The following FGGY variants were observed in gnomAD, a reference collection of about 807,000 sequenced individuals.
FGGY encodes FGGY carbohydrate kinase domain containing.
In FGGY, 72 loss-of-function variants were observed where a neutral mutation model predicts 71.3. The ratio of observed to expected loss-of-function variants is 1.01; its 90% CI spans 0.84 to 1.23. The LOEUF is 1.23. Among genes scored for constraint, FGGY ranks in the 50% most tolerant of loss-of-function variants. The pLI, the probability that FGGY is intolerant of heterozygous loss-of-function variation, is 0.00. For missense variants in FGGY, 668 were observed against 682.3 expected (o/e 0.98, Z 0.23); for synonymous variants, 251 against 250.3 (o/e 1.00, Z -0.02).
chr1:59,611,947 G>C (rs1450720148), intron 9 of FGGY, among the ~76,000 whole-genome samples: 1 of 152,112 alleles, frequency 6.6e-6, no homozygotes, highest in African/African-American at 2.4e-5. Context: ...GAAGTTTAGA[G>C]AAAAAAGAAT....
chr1:59,450,161 A>G (rs1432837405), intron 5 of FGGY, among the ~76,000 whole-genome samples: 1 of 152,138 alleles, frequency 6.6e-6, no homozygotes, highest in Non-Finnish European at 1.5e-5. Context: ...CAGATTACTT[A>G]AATATTTGTT....
At chr1:59,546,066 A>C (rs940339415) in intron 7 of FGGY, among the ~76,000 whole-genome samples, 3 of 151,440 alleles carry the variant, frequency 2.0e-5, no homozygotes, top group Non-Finnish European at 4.4e-5. Context: ...AAATCAAATG[A>C]ACTGTTATGC....
intron 4 of FGGY, among the ~76,000 whole-genome samples, chr1:59,355,003 C>T (rs1415571283): frequency 2.6e-5 from 4 of 152,192 alleles, no homozygotes; most frequent in South Asian, 2.1e-4. Context: ...GGCACAGAGG[C>T]GTAGGAGGGG....
At position 59,529,501 on chromosome 1, in the gene FGGY, T is replaced by C. The variant is rs181935533; in HGVS notation, c.799+17062T>C. Among the ~76,000 whole-genome samples, 20 of 152,256 alleles carry C rather than the reference T, an allele frequency of 1.3e-4. No homozygotes were observed. In the East Asian group the frequency reaches 3.9e-3, roughly 29 times the overall value. ...CTGGAAGCAATGAAACGTAGAGTAT[T>C]CTGGATGGAGAGAATAACATAAATG... On this transcript the variant is annotated intron_variant, in intron 7 of 15. Coordinates refer to ENST00000303721, the MANE Select transcript of FGGY (RefSeq NM_018291.5).
intron 12 of FGGY, among the ~76,000 whole-genome samples, chr1:59,665,465 CT>C (rs1216998633): frequency 6.6e-6 from 1 of 152,168 alleles, no homozygotes; most frequent in Non-Finnish European, 1.5e-5. Context: ...TGAACTGCCC[CT>C]GTCCCTCATG....
chr1:59,443,283 G>A (rs1437313328), intron 5 of FGGY, among the ~76,000 whole-genome samples: 1 of 152,064 alleles, frequency 6.6e-6, no homozygotes, highest in Non-Finnish European at 1.5e-5. Context: ...TAATCATAAA[G>A]GGCCCTAATA....
intron 5 of FGGY, among the ~76,000 whole-genome samples, chr1:59,389,590 G>T (rs1433181644): frequency 3.3e-5 from 5 of 152,074 alleles, no homozygotes; most frequent in Non-Finnish European, 5.9e-5. Flanking sequence ...GTTCTTTTTG[G>T]TGTATATCTA....
chr1:59,753,412 G>C (rs1482610656), intron 14 of FGGY, among the ~76,000 whole-genome samples: 4 of 142,064 alleles, frequency 2.8e-5, no homozygotes, highest in Non-Finnish European at 6.0e-5. Context: ...CTGCCTTTCA[G>C]GAAAGGGGAA....
At position 59,299,823 on chromosome 1, in the gene FGGY, G is replaced by T. The variant is rs996955312; in HGVS notation, c.-15+2673G>T. 2.0e-5 allele frequency among the ~76,000 whole-genome samples: 3 copies of T among 152,206 alleles called. No homozygotes were observed. In the East Asian group the frequency reaches 5.8e-4, roughly 29 times the overall value. On this transcript the variant is annotated intron_variant, in intron 1 of 15. Coordinates refer to ENST00000303721, the MANE Select transcript of FGGY (RefSeq NM_018291.5). ...GCTAATTTAAAGAGAGTGACGATGT[G>T]AGTGGTTTGGCGGGAAAAATGGTTA...
intron 15 of FGGY, among the ~76,000 whole-genome samples, chr1:59,759,569 T>G (rs1177092494): frequency 1.3e-5 from 2 of 152,230 alleles, no homozygotes; most frequent in African/African-American, 4.8e-5. Flanking sequence ...AGTCCTCCGC[T>G]GCTTGCTGGG....
intron 5 of FGGY, among the ~76,000 whole-genome samples, chr1:59,443,771 G>A (rs1418841788): frequency 6.6e-6 from 1 of 152,206 alleles, no homozygotes; most frequent in Non-Finnish European, 1.5e-5. Context: ...ACTGAGATAG[G>A]TATGTATGTT....
intron 8 of FGGY, among the ~76,000 whole-genome samples, chr1:59,578,629 A>G (rs1171680619): frequency 6.6e-6 from 1 of 152,102 alleles, no homozygotes; most frequent in Admixed American, 6.5e-5. Context: ...GGACTTTTAT[A>G]ATTGAAGAGT....
chr1:59,341,555 T>G (rs2050703483), intron 3 of FGGY, among the ~76,000 whole-genome samples: 2 of 152,222 alleles, frequency 1.3e-5, no homozygotes, highest in South Asian at 4.1e-4. Flanking sequence ...TATTAACACC[T>G]CCTGTGTTCC....
chr1:59,304,024 C>G (rs1017688090), intron 1 of FGGY, among the ~76,000 whole-genome samples: 1 of 151,948 alleles, frequency 6.6e-6, no homozygotes, highest in African/African-American at 2.4e-5. Flanking sequence ...TAAATATTTT[C>G]TCTTTTAGAG....
intron 7 of FGGY, among the ~76,000 whole-genome samples, chr1:59,541,805 A>G (rs1170593064): frequency 1.3e-5 from 2 of 152,220 alleles, no homozygotes; most frequent in Non-Finnish European, 2.9e-5. Flanking sequence ...AGAAAGAAGT[A>G]TGATTTCTGG....
chr1:59,472,536 C>T (rs1447562122), intron 6 of FGGY, among the ~76,000 whole-genome samples: 1 of 152,272 alleles, frequency 6.6e-6, no homozygotes, highest in Non-Finnish European at 1.5e-5. Flanking sequence ...TGGGTGAAGC[C>T]AGCTGGGCTC....
intron 10 of FGGY, among the ~76,000 whole-genome samples, chr1:59,634,643 A>C (rs567725847): frequency 6.6e-5 from 10 of 152,278 alleles, no homozygotes; most frequent in East Asian, 5.8e-4. Flanking sequence ...GTCTGCATTT[A>C]AGATCACAAG....
At chr1:59,558,140 G>A (rs1242039297) in intron 8 of FGGY, among the ~76,000 whole-genome samples, 4 of 152,160 alleles carry the variant, frequency 2.6e-5, no homozygotes, top group African/African-American at 9.7e-5. Context: ...TACCCATAAA[G>A]TTTTGTTCAG....
At chr1:59,613,019 GA>G (rs1428778526) in intron 9 of FGGY, among the ~76,000 whole-genome samples, 1 of 152,126 alleles carries the variant, frequency 6.6e-6, no homozygotes, top group African/African-American at 2.4e-5. Flanking sequence ...GAACTACAAA[GA>G]GACTTAGACT....
Sources: gnomAD v4.1 joint callset for allele counts (sites outside exome capture counted in the v4.1 genomes callset) on GRCh38, gnomAD v4.1.1 for gene constraint, MANE v1.5 for transcripts, NCBI Gene and HGNC (gene_info 2026-07-23, HGNC 2026-07-21) for gene names.